FAM53A: variants seen among roughly 807,000 people sequenced by gnomAD.
FAM53A encodes protein FAM53A.
Under a neutral mutation model 26.6 loss-of-function variants are expected in FAM53A, and 28 were observed. The ratio of observed to expected loss-of-function variants is 1.05; its 90% CI spans 0.78 to 1.45. The LOEUF (loss-of-function observed/expected upper bound fraction) is 1.45. FAM53A is among the 40% of genes most tolerant of loss of function. The pLI is 0.00. For missense variants in FAM53A, 650 were observed against 575.8 expected (o/e 1.13, Z -1.32); for synonymous variants, 290 against 253.1 (o/e 1.15, Z -1.38).
At chr4:1,576,498 C>T in the FAM53A span, among the ~76,000 whole-genome samples, 10 of 152,224 alleles carry the variant, frequency 6.6e-5, no homozygotes, top group Admixed American at 5.9e-4. Context: ...TGCCTCCGCG[C>T]GCACACTGTC....
intron 1 of FAM53A, among the ~76,000 whole-genome samples, chr4:1,625,862 C>T (rs1005122956): frequency 6.6e-6 from 1 of 152,220 alleles, no homozygotes; most frequent in Non-Finnish European, 1.5e-5. Flanking sequence ...AAGCCACCGC[C>T]CTGGCCAGCA....
At chr4:1,580,785 C>A in the FAM53A span, among the ~76,000 whole-genome samples, 1 of 137,362 alleles carries the variant, frequency 7.3e-6, no homozygotes, top group African/African-American at 2.8e-5. Flanking sequence ...GGCCCCGCCT[C>A]CCACCCAGGC....
chr4:1,660,845 C>T (rs1454650937), intron 2 of FAM53A, among the ~76,000 whole-genome samples: 1 of 151,598 alleles, frequency 6.6e-6, no homozygotes, highest in Non-Finnish European at 1.5e-5. Context: ...CACGCCTCTG[C>T]ACTCCAGCCT....
the FAM53A span, among the ~76,000 whole-genome samples, chr4:1,576,575 T>C: frequency 6.6e-6 from 1 of 152,258 alleles, no homozygotes; most frequent in Admixed American, 6.5e-5. Flanking sequence ...ATTGGAAAAC[T>C]ACCCTCAATT....
chr4:1,682,923 T>C (rs949745450), intron 1 of FAM53A, among the ~76,000 whole-genome samples: 2 of 152,218 alleles, frequency 1.3e-5, no homozygotes, highest in Non-Finnish European at 2.9e-5. Flanking sequence ...TACCAAGGCC[T>C]CAGTGAGTGT....
At position 1,655,613 on chromosome 4, in the gene FAM53A, C is replaced by A; in HGVS notation, c.247G>T (p.Gly83Cys). Reference protein sequence around the residue: ...PGLSAAAHTMGLQWQPQSPRP... With the variant: ...PGLSAAAHTMCLQWQPQSPRP... Reference sequence around the variant, plus strand: ...GGGGACTGTGGCTGCCACTGAAGACCCATGGTGTGAGCGGCAGCAGACAGG... The same window carrying A: ...GGGGACTGTGGCTGCCACTGAAGACACATGGTGTGAGCGGCAGCAGACAGG... The change falls in exon 4 of 5, where the codon GGT becomes TGT. Residue 83 changes from glycine (G) to cysteine (C), a missense_variant. Coordinates refer to ENST00000308132, the MANE Select transcript of FAM53A (RefSeq NM_001174070.3). The A allele has an allele frequency of 6.3e-7, 1 of 1,595,888 alleles. No individual in the cohort carries two copies. The highest frequency in any genetic ancestry group is 8.5e-7 in the Non-Finnish European group (1 of 1,171,492).
At chr4:1,649,134 GGGGAAGGGGAAAGGGAAGGGGAAA>G (rs1393078906) in intron 4 of FAM53A, among the ~76,000 whole-genome samples, 1 of 127,086 alleles carries the variant, frequency 7.9e-6, no homozygotes, top group Admixed American at 7.8e-5. Flanking sequence ...GGAAGGGGAA[GGGGAAGGGGAAAGGGAAGGGGAAA>G]GGGAAGGGGA....
rs1046642517 is a variant in FAM53A at position 1,625,674 on chromosome 4, G to A, written c.432-7563C>T. Among the ~76,000 whole-genome samples, 2 of 141,418 alleles carry A rather than the reference G, an allele frequency of 1.4e-5. 1 individual carries two copies. The highest frequency in any genetic ancestry group is 5.5e-5 in the African/African-American group (2 of 36,490). The allele number at this position is 141,418 out of a possible 152,430, so 92.8% of individuals were successfully genotyped here. ...CCACGTCCCGACCCACGTGGTCAGG[G>A]TCACGCCAGGTGATCAGAAGGCCCT... On this transcript the variant is annotated intron_variant, in intron 1 of 1. Coordinates refer to the FAM53A transcript ENST00000489029.
intron 1 of FAM53A, among the ~76,000 whole-genome samples, chr4:1,631,358 C>T (rs1410908475): frequency 6.6e-6 from 1 of 152,236 alleles, no homozygotes; most frequent in African/African-American, 2.4e-5. Flanking sequence ...GGTCTCTGGG[C>T]CTCAGTGTGG....
At chr4:1,667,804 C>T (rs970577539) in intron 2 of FAM53A, among the ~76,000 whole-genome samples, 4 of 152,216 alleles carry the variant, frequency 2.6e-5, no homozygotes, top group African/African-American at 9.6e-5. Context: ...CCCCTGCTGG[C>T]TCTGAGGGCC....
At chr4:1,650,912 C>T (rs978967778) in intron 4 of FAM53A, among the ~76,000 whole-genome samples, 8 of 151,522 alleles carry the variant, frequency 5.3e-5, no homozygotes, top group Non-Finnish European at 8.8e-5. Flanking sequence ...AGAATTCACT[C>T]GGGCATTGAT....
Position 1,668,619 on chromosome 4 carries a change from C to T in FAM53A, c.75+48G>A, listed in dbSNP as rs773178838. On this transcript the variant is annotated intron_variant, in intron 2 of 4. Coordinates refer to ENST00000308132, the MANE Select transcript of FAM53A (RefSeq NM_001174070.3). Reference sequence around the variant, plus strand: ...TCCCAGTGTGGCCATTCCCCTGTGACAGCACGGGGGAGGGGCACCCAGCCT... The same window carrying T: ...TCCCAGTGTGGCCATTCCCCTGTGATAGCACGGGGGAGGGGCACCCAGCCT... 3.1e-6 allele frequency: 5 copies of T among 1,601,004 alleles called. No individual in the cohort carries two copies. In the East Asian group the frequency reaches 8.9e-5, roughly 29 times the overall value.
chr4:1,601,216 C>T, the FAM53A span, among the ~76,000 whole-genome samples: 15 of 152,118 alleles, frequency 9.9e-5, no homozygotes, highest in Non-Finnish European at 1.6e-4. Context: ...CAGGGGACCC[C>T]TGGAGCCGCA....
At chr4:1,682,518 C>G (rs1270222208) in intron 1 of FAM53A, among the ~76,000 whole-genome samples, 1 of 152,118 alleles carries the variant, frequency 6.6e-6, no homozygotes, top group Non-Finnish European at 1.5e-5. Context: ...GCCTCGGCCT[C>G]TCAAAGTGCT....
intron 4 of FAM53A, among the ~76,000 whole-genome samples, chr4:1,651,801 C>G (rs1360634421): frequency 2.0e-5 from 3 of 151,792 alleles, no homozygotes; most frequent in African/African-American, 7.3e-5. Context: ...CAGGGACACG[C>G]AGGCTCAGCA....
chr4:1,595,927 G>A, the FAM53A span, among the ~76,000 whole-genome samples: 1 of 152,188 alleles, frequency 6.6e-6, no homozygotes, highest in African/African-American at 2.4e-5. Flanking sequence ...TGGTCCACAG[G>A]ACCGGGTGTG....
intron 4 of FAM53A, among the ~76,000 whole-genome samples, chr4:1,646,985 A>G (rs947968155): frequency 1.4e-4 from 21 of 152,228 alleles, no homozygotes; most frequent in Non-Finnish European, 2.9e-4. Context: ...TTCAATGGTC[A>G]TATTTTAATT....
At chr4:1,596,556 A>T in the FAM53A span, among the ~76,000 whole-genome samples, 1 of 152,022 alleles carries the variant, frequency 6.6e-6, no homozygotes, top group Non-Finnish European at 1.5e-5. Flanking sequence ...GACACCACTC[A>T]TCTGCCCTCC....
intron 4 of FAM53A, among the ~76,000 whole-genome samples, chr4:1,643,485 CAAA>C (rs1711945001): frequency 1.3e-5 from 2 of 151,516 alleles, no homozygotes; most frequent in African/African-American, 4.9e-5. Context: ...AATAAATAGA[CAAA>C]AGACGAATTG....
Sources: allele counts gnomAD v4.1 joint callset (sites outside exome capture counted in the v4.1 genomes callset), GRCh38; gene constraint gnomAD v4.1.1; transcripts MANE v1.5; gene names NCBI Gene and HGNC (gene_info 2026-07-23, HGNC 2026-07-21).